FAM135B: variants seen among roughly 807,000 people sequenced by gnomAD.
FAM135B encodes the protein protein FAM135B.
In FAM135B, 43 loss-of-function variants were observed where a neutral mutation model predicts 127.7. The observed-to-expected ratio is 0.34, with a 90% CI of 0.26 to 0.43. FAM135B has a LOEUF of 0.43. Ranked by LOEUF, FAM135B falls within the 20% of genes least tolerant of loss-of-function variation. The pLI is 1.00. For missense variants in FAM135B, 1,558 were observed against 1,725.6 expected (o/e 0.90, Z 1.72); for synonymous variants, 670 against 665.1 (o/e 1.01, Z -0.11).
At chr8:138,479,134 T>C (rs1349221267) in intron 1 of FAM135B, among the ~76,000 whole-genome samples, 1 of 152,178 alleles carries the variant, frequency 6.6e-6, no homozygotes, top group Non-Finnish European at 1.5e-5. Context: ...TCAGGCCAGG[T>C]ATGGAAAGCG....
chr8:138,297,901 G>A (rs986450702), intron 3 of FAM135B, among the ~76,000 whole-genome samples: 22 of 152,176 alleles, frequency 1.4e-4, no homozygotes, highest in African/African-American at 2.9e-4. Context: ...TCAACAGAGC[G>A]AATTCCCTCC....
At chr8:138,170,296 C>T (rs1820316822) in intron 11 of FAM135B, among the ~76,000 whole-genome samples, 1 of 150,054 alleles carries the variant, frequency 6.7e-6, no homozygotes, top group Non-Finnish European at 1.5e-5. Flanking sequence ...AATCTCGGCT[C>T]ACCGCAACCT....
Position 138,141,084 on chromosome 8 carries a change from C to G in FAM135B, c.3790+114G>C, listed in dbSNP as rs2130588685. 2 of 1,030,904 alleles carry G rather than the reference C, an allele frequency of 1.9e-6. No individual in the cohort carries two copies. The highest frequency in any genetic ancestry group is 2.7e-4 in the Middle Eastern group (1 of 3,760). The allele number at this position is 1,030,904 out of a possible 1,614,324, so 63.9% of individuals were successfully genotyped here. A position where few individuals can be genotyped will look rare whatever the true frequency, so the allele number is the denominator to read the frequency against. On this transcript the variant is annotated intron_variant, in intron 17 of 19. Coordinates refer to ENST00000395297, the MANE Select transcript of FAM135B (RefSeq NM_015912.4). The surrounding 1 kb of genome is among the most constrained non-coding windows in gnomAD (Gnocchi z 4.7). ...CCAGGACTCCTCCCTCCATGCCATG[C>G]TTGGAAAAGACTGCACAGTCACAGG...
intron 1 of FAM135B, among the ~76,000 whole-genome samples, chr8:138,442,267 T>TATATATATATAC (rs34280434): frequency 0.038 from 3,252 of 86,628 alleles, 273 homozygotes; most frequent in Middle Eastern, 0.05. Context: ...TATATATATA[T>TATATATATATAC]ATATATATAT....
At chr8:138,237,150 AT>A (rs10604150) in intron 7 of FAM135B, among the ~76,000 whole-genome samples, 17,651 of 102,062 alleles carry the variant, frequency 0.17, 852 homozygotes, top group African/African-American at 0.22. Context: ...TGGATCCTTG[AT>A]TTTTTTTTTT....
intron 7 of FAM135B, among the ~76,000 whole-genome samples, chr8:138,224,939 C>T (rs1024227701): frequency 2.0e-5 from 3 of 151,590 alleles, no homozygotes; most frequent in African/African-American, 7.3e-5. Flanking sequence ...ACAGGAAAGG[C>T]GGGGATGGAA....
chr8:138,296,743 C>T (rs1825507000), intron 3 of FAM135B, among the ~76,000 whole-genome samples: 1 of 152,168 alleles, frequency 6.6e-6, no homozygotes, highest in Non-Finnish European at 1.5e-5. Context: ...TCATCCCATC[C>T]CTTTTCAAAA....
chr8:138,197,908 C>T (rs911504833), intron 7 of FAM135B, among the ~76,000 whole-genome samples: 3 of 152,186 alleles, frequency 2.0e-5, no homozygotes, highest in South Asian at 2.1e-4. Flanking sequence ...ATCTGCCACA[C>T]CTTTGTCTTA....
intron 2 of FAM135B, among the ~76,000 whole-genome samples, chr8:138,334,427 C>A (rs912355506): frequency 3.3e-5 from 5 of 152,086 alleles, no homozygotes; most frequent in African/African-American, 1.2e-4. Flanking sequence ...GTTACATGTG[C>A]AGGTTTGTTA....
At chr8:138,198,350 G>C (rs1816829745) in intron 7 of FAM135B, among the ~76,000 whole-genome samples, 3 of 152,258 alleles carry the variant, frequency 2.0e-5, no homozygotes, top group Admixed American at 6.5e-5. Context: ...CCAGCCTTGG[G>C]TATGTCTTTA....
At chr8:138,484,519 T>G (rs1814912749) in intron 1 of FAM135B, among the ~76,000 whole-genome samples, 1 of 152,178 alleles carries the variant, frequency 6.6e-6, no homozygotes, top group African/African-American at 2.4e-5. Context: ...TGGCTTTTAT[T>G]TTTTTAGGGC....
chr8:138,393,981 G>A (rs1035775491), intron 1 of FAM135B, among the ~76,000 whole-genome samples: 3 of 152,172 alleles, frequency 2.0e-5, no homozygotes, highest in Non-Finnish European at 4.4e-5. Flanking sequence ...GGGCAGTTGG[G>A]AACCAAGCAG....
At chr8:138,186,058 T>C (rs1300108545) in intron 9 of FAM135B, among the ~76,000 whole-genome samples, 3 of 152,104 alleles carry the variant, frequency 2.0e-5, no homozygotes. Context: ...TGAGGGTCCT[T>C]CCCTGACTGG....
In FAM135B at chr8:138,280,669, CTG is replaced by C. The variant is rs57650216; in HGVS notation, c.158-14829_158-14828del. Among the ~76,000 whole-genome samples the C allele has an allele frequency of 9.3e-3, 1,417 of 152,290 alleles. 18 individuals are homozygous for C. The highest frequency in any genetic ancestry group is 0.033 in the African/African-American group (1,362 of 41,538). On this transcript the variant is annotated intron_variant, in intron 3 of 19. Transcript: ENST00000395297. ...TTGGAAAAAGCAAACTTTTTAATGACTGTGTTACCCAAAAAAGAATGGGGTTC... is the reference window on the plus strand; with the variant it reads ...TTGGAAAAAGCAAACTTTTTAATGACTGTTACCCAAAAAAGAATGGGGTTC...
rs34280434 is a variant in FAM135B, at chr8:138,442,267, T to TATATATATATATATATATATAC, written c.-20+54403_-20+54404insGTATATATATATATATATATAT. Among the ~76,000 whole-genome samples, 191 of 86,726 alleles carry TATATATATATATATATATATAC rather than the reference T, an allele frequency of 2.2e-3. 14 individuals are homozygous for TATATATATATATATATATATAC. The highest frequency in any genetic ancestry group is 2.7e-3 in the African/African-American group (60 of 22,392). 56.9% of individuals were successfully genotyped at this position (86,726 alleles called of 152,430 possible). A position where few individuals can be genotyped will look rare whatever the true frequency, so the allele number is the denominator to read the frequency against. ...ATATATATATATATATATATATATA[T>TATATATATATATATATATATAC]ATATATATATGAAAAACCTTGGCAG... is the stretch of plus-strand genomic sequence containing the variant. On this transcript the variant is annotated intron_variant, in intron 1 of 19. Transcript: ENST00000395297.
chr8:138,284,093 G>A (rs977581110), intron 3 of FAM135B, among the ~76,000 whole-genome samples: 3 of 151,974 alleles, frequency 2.0e-5, no homozygotes, highest in African/African-American at 7.2e-5. Context: ...AATAAAATCT[G>A]TTAAAAAAAA....
At chr8:138,133,087 C>T (rs1243024312) in intron 19 of FAM135B, among the ~76,000 whole-genome samples, 3 of 152,218 alleles carry the variant, frequency 2.0e-5, no homozygotes, top group Admixed American at 1.3e-4. Context: ...AATAGCTGTA[C>T]CTCCCAGCAG....
intron 1 of FAM135B, among the ~76,000 whole-genome samples, chr8:138,496,419 C>A (rs931680878): frequency 1.3e-5 from 2 of 152,236 alleles, no homozygotes; most frequent in Admixed American, 6.5e-5. Flanking sequence ...CTGGGGGGAA[C>A]CCCTCATTAA....
intron 1 of FAM135B, among the ~76,000 whole-genome samples, chr8:138,407,404 C>A (rs1413880674): frequency 6.6e-6 from 1 of 152,192 alleles, no homozygotes; most frequent in African/African-American, 2.4e-5. Context: ...TTGGAAAAAA[C>A]TACTTTAAAG....
Sources: gnomAD v4.1 joint callset for allele counts (sites outside exome capture counted in the v4.1 genomes callset) on GRCh38, gnomAD v4.1.1 for gene constraint, Gnocchi (gnomAD v3.1) non-coding constraint, MANE v1.5 for transcripts, NCBI Gene and HGNC (gene_info 2026-07-23, HGNC 2026-07-21) for gene names.